Variants in CCSER2 observed in about 807,000 individuals in gnomAD.
CCSER2 encodes serine-rich coiled-coil domain-containing protein 2.
In CCSER2, 46 loss-of-function variants were observed where a neutral mutation model predicts 92.3. The ratio of observed to expected loss-of-function variants is 0.50; its 90% CI spans 0.39 to 0.64. The LOEUF is 0.64. Ranked by LOEUF, CCSER2 falls within the 30% of genes least tolerant of loss-of-function variation. The pLI is 0.00. For missense variants in CCSER2, 1,244 were observed against 1,238.9 expected, an observed-to-expected ratio of 1.00 and a Z score of -0.06; for synonymous variants, 433 against 431.4, an observed-to-expected ratio of 1.00 and a Z score of -0.04.
At position 84,514,911 on chromosome 10, in the gene CCSER2, C is replaced by T. The variant is rs1216936682; in HGVS notation, c.*644C>T. On this transcript the variant is annotated 3_prime_UTR_variant, in exon 10 of 10. Transcript: ENST00000372088. ...CCCAGACTGAAAGTGTTTCTTATTA[C>T]ATATAAATCAGTTATATATTCCTTT... The T allele has an allele frequency of 1.3e-5, 2 of 152,672 alleles. No individual in the cohort carries two copies. Among genetic ancestry groups the T allele is most frequent in the African/African-American group, 4.8e-5 (2 of 41,442 alleles). 9.5% of individuals were successfully genotyped at this position (152,672 alleles called of 1,614,324 possible). A position where few individuals can be genotyped will look rare whatever the true frequency, so the allele number is the denominator to read the frequency against.
At chr10:84,512,674 A>G (rs1479852023) in intron 9 of CCSER2, among the ~76,000 whole-genome samples, 1 of 152,216 alleles carries the variant, frequency 6.6e-6, no homozygotes, top group African/African-American at 2.4e-5. Flanking sequence ...CTTTAGTTGC[A>G]GTTAGAGGCA....
intron 3 of CCSER2, chr10:84,391,531 A>C (rs1564623407): frequency 3.3e-6 from 5 of 1,506,662 alleles, no homozygotes; most frequent in Non-Finnish European, 4.6e-6. Context: ...ACCCAAATCC[A>C]GAATTCATTT....
At chr10:84,335,651 G>A (rs962440869) in intron 1 of CCSER2, among the ~76,000 whole-genome samples, 3 of 152,036 alleles carry the variant, frequency 2.0e-5, no homozygotes, top group African/African-American at 4.8e-5. Flanking sequence ...CTTTGATGAC[G>A]AAGGCCCTAG....
chr10:84,487,583 A>C (rs190685483), intron 9 of CCSER2, among the ~76,000 whole-genome samples: 8 of 152,162 alleles, frequency 5.3e-5, no homozygotes, highest in African/African-American at 1.9e-4. Flanking sequence ...TTTTTGCACA[A>C]TGATTTTGTA....
chr10:84,470,380 T>C lies in CCSER2; in HGVS notation c.2157T>C (p.Asp719=), dbSNP rs1846716473. The C allele has an allele frequency of 7.6e-7, 1 of 1,324,288 alleles. No individual in the cohort carries two copies. The allele number at this position is 1,324,288 out of a possible 1,614,324, so 82.0% of individuals were successfully genotyped here. The change falls in exon 8 of 10, where the codon GAT becomes GAC. Residue 719 remains aspartate, a synonymous_variant. Transcript: ENST00000372088. ...ATTTTTTAATATTTCAGAATGAAGA[T>C]TTATTAAATGAAATAAAACAACTTA... The part of the protein sequence containing the change: ...EDGDKVYKNE[D]LLNEIKQLKD...
intron 3 of CCSER2, chr10:84,391,018 G>A (rs1841488638): frequency 1.3e-6 from 1 of 774,722 alleles, no homozygotes; most frequent in South Asian, 1.3e-5. Context: ...GCTTTACAAT[G>A]CCTTAGGAAC....
intron 6 of CCSER2, among the ~76,000 whole-genome samples, chr10:84,449,576 G>C (rs1287692152): frequency 6.6e-6 from 1 of 152,196 alleles, no homozygotes; most frequent in South Asian, 2.1e-4. Context: ...CGTAGGGCTG[G>C]GGGCGGTGGC....
chr10:84,425,084 C>G, intron 4 of CCSER2: 1 of 967,886 alleles, frequency 1.0e-6, no homozygotes, highest in Non-Finnish European at 1.2e-6. Flanking sequence ...CAAAGAGATT[C>G]TTTTCGTGTT....
chr10:84,344,683 A>G (rs961294127), intron 1 of CCSER2, among the ~76,000 whole-genome samples: 1 of 152,174 alleles, frequency 6.6e-6, no homozygotes, highest in Non-Finnish European at 1.5e-5. Context: ...TTTTGAGTCA[A>G]GGGAGTAGTG....
At chr10:84,351,872 C>T (rs539865153) in intron 1 of CCSER2, among the ~76,000 whole-genome samples, 2 of 152,096 alleles carry the variant, frequency 1.3e-5, no homozygotes, top group Admixed American at 1.3e-4. Flanking sequence ...CTAGTGGCTG[C>T]TGTATTGACA....
At chr10:84,389,618 A>C (rs1456048243) in intron 3 of CCSER2, 1 of 193,362 alleles carries the variant, frequency 5.2e-6, no homozygotes, top group Admixed American at 6.0e-5. Context: ...GTGGAACTTC[A>C]GCAGCATGGT....
intron 8 of CCSER2, among the ~76,000 whole-genome samples, chr10:84,475,447 G>A (rs1375282585): frequency 6.6e-6 from 1 of 152,114 alleles, no homozygotes; most frequent in Non-Finnish European, 1.5e-5. Context: ...TCATGTGTGA[G>A]CATATAGACC....
chr10:84,337,014 GT>G (rs891570745), intron 1 of CCSER2, among the ~76,000 whole-genome samples: 1 of 152,184 alleles, frequency 6.6e-6, no homozygotes, highest in African/African-American at 2.4e-5. Context: ...AAGAAGCAGG[GT>G]TTTAGCGGGG....
chr10:84,421,700 A>G (rs1029359422), intron 4 of CCSER2, among the ~76,000 whole-genome samples: 1 of 152,182 alleles, frequency 6.6e-6, no homozygotes, highest in Non-Finnish European at 1.5e-5. Flanking sequence ...AACCATCTTA[A>G]GGGTCATGAC....
intron 9 of CCSER2, among the ~76,000 whole-genome samples, chr10:84,502,829 C>T (rs1360920859): frequency 1.3e-5 from 2 of 152,124 alleles, no homozygotes; most frequent in East Asian, 3.9e-4. Context: ...ATAGTCCGTT[C>T]TAAATATGCA....
chr10:84,360,699 G>A (rs1430804184), intron 1 of CCSER2, among the ~76,000 whole-genome samples: 5 of 152,184 alleles, frequency 3.3e-5, no homozygotes, highest in African/African-American at 1.2e-4. Context: ...CAGATCGGCA[G>A]AATCAACATC....
chr10:84,467,578 G>A (rs1463810929), intron 7 of CCSER2, among the ~76,000 whole-genome samples: 1 of 151,902 alleles, frequency 6.6e-6, no homozygotes, highest in Non-Finnish European at 1.5e-5. Context: ...CCAACATACA[G>A]TACTTTGACA....
intron 8 of CCSER2, among the ~76,000 whole-genome samples, chr10:84,474,459 G>A (rs984104059): frequency 2.0e-5 from 3 of 152,004 alleles, no homozygotes; most frequent in Admixed American, 2.0e-4. Flanking sequence ...TCAGGAGTTC[G>A]AGACCAGCCT....
chr10:84,446,755 C>T (rs746974831), intron 6 of CCSER2, among the ~76,000 whole-genome samples: 1 of 152,102 alleles, frequency 6.6e-6, no homozygotes, highest in East Asian at 1.9e-4. Context: ...CTTTCCTTTC[C>T]AGAACCTAGA....
Sources: allele counts gnomAD v4.1 joint callset (sites outside exome capture counted in the v4.1 genomes callset), GRCh38; gene constraint gnomAD v4.1.1; transcripts MANE v1.5; gene names NCBI Gene and HGNC (gene_info 2026-07-23, HGNC 2026-07-21).